Variants in OVGP1 observed in about 807,000 individuals in gnomAD.
OVGP1 encodes the protein oviductal glycoprotein 1, also known as oviduct-specific glycoprotein.
OVGP1 carries 26 observed loss-of-function variants against 48.2 expected under a neutral mutation model. That is an observed-to-expected ratio of 0.54 (90% CI 0.40 to 0.75). The LOEUF (loss-of-function observed/expected upper bound fraction) is 0.75, where lower values mean the gene tolerates loss of function less well. OVGP1 is among the 30% of genes least tolerant of loss of function. The pLI is 0.00. For synonymous variants in OVGP1, 294 were observed against 305.7 expected, an observed-to-expected ratio of 0.96 and a Z score of 0.40; for missense variants, 791 against 820.6, an observed-to-expected ratio of 0.96 and a Z score of 0.44.
In OVGP1 at chr1:111,421,702, AG is replaced by A. The variant is rs567600986; in HGVS notation, c.609-30del. ...TAAGGGGCAGGAGGAAGAGATATAAAGACTGGGCTAGCCAGATTTTCAAGTC... is the reference window on the plus strand; with the variant it reads ...TAAGGGGCAGGAGGAAGAGATATAAAACTGGGCTAGCCAGATTTTCAAGTC... On this transcript the variant is annotated intron_variant, in intron 6 of 10. Transcript: ENST00000369732. The A allele has an allele frequency of 7.4e-6, 10 of 1,349,264 alleles. No homozygotes were observed. In the East Asian group the frequency reaches 2.1e-4, roughly 28 times the overall value. 83.6% of individuals were successfully genotyped at this position (1,349,264 alleles called of 1,614,324 possible).
intron 9 of OVGP1, among the ~76,000 whole-genome samples, chr1:111,418,171 C>A (rs1652179628): frequency 6.6e-6 from 1 of 152,180 alleles, no homozygotes; most frequent in Non-Finnish European, 1.5e-5. Flanking sequence ...CCATCCCCAA[C>A]CTGGCTTCAT....
intron 9 of OVGP1, among the ~76,000 whole-genome samples, chr1:111,418,828 C>T (rs184176017): frequency 4.7e-4 from 72 of 152,244 alleles, no homozygotes; most frequent in Non-Finnish European, 7.6e-4. Context: ...AGGAGTGGAA[C>T]CATGATTTCT....
At chr1:111,426,954 CCT>C (rs1652415456) in intron 2 of OVGP1, 106 bp downstream of exon 2, 1 of 1,591,324 alleles carries the variant, frequency 6.3e-7, no homozygotes, top group Non-Finnish European at 8.6e-7. Flanking sequence ...ATCAATAATC[CCT>C]GTCAGAGAAG....
chr1:111,427,669 T>G, intron 1 of OVGP1, 28 bp downstream of exon 1: 1 of 1,612,036 alleles, frequency 6.2e-7, no homozygotes, highest in Non-Finnish European at 8.5e-7. Context: ...CTGGACTGAG[T>G]GACACTGCTG....
chr1:111,424,894 T>C (rs973792283), intron 4 of OVGP1, among the ~76,000 whole-genome samples: 1 of 152,244 alleles, frequency 6.6e-6, no homozygotes, highest in African/African-American at 2.4e-5. Flanking sequence ...TCATGGAGAT[T>C]GAAGTGCTAA....
intron 6 of OVGP1, 151 bp downstream of exon 6, chr1:111,422,776 C>T (rs1652301641): frequency 1.2e-6 from 1 of 814,272 alleles, no homozygotes; most frequent in Non-Finnish European, 2.0e-6. Context: ...TTCTCCCCAC[C>T]CATGCTCCTC....
At chr1:111,426,792 G>A (rs965378490) in intron 2 of OVGP1, 151 bp from the exon 3 acceptor site, 2 of 1,547,614 alleles carry the variant, frequency 1.3e-6, no homozygotes, top group African/African-American at 1.4e-5. Context: ...GAACTACACT[G>A]AGGTTCTATT....
At chr1:111,425,271 A>G (rs1307427461) in intron 4 of OVGP1, 112 bp downstream of exon 4, 1 of 1,215,658 alleles carries the variant, frequency 8.2e-7, no homozygotes, top group Non-Finnish European at 1.2e-6. Flanking sequence ...TTGGGGAAGT[A>G]TTTGCGCTAG....
At chr1:111,419,875 C>G (rs1237540993) in intron 8 of OVGP1, 149 bp from the exon 9 acceptor site, 6 of 620,636 alleles carry the variant, frequency 9.7e-6, no homozygotes, top group Non-Finnish European at 5.7e-6. Flanking sequence ...GGAGAGGCCA[C>G]TCACAAATGA....
chr1:111,425,552 A>G, intron 3 of OVGP1, 113 bp from the exon 4 acceptor site: 1 of 1,542,126 alleles, frequency 6.5e-7, no homozygotes. Context: ...GAGAGATGGG[A>G]GGTAAGGAAA....
In OVGP1 at chr1:111,415,111, T is replaced by G. The variant is rs1211244669; in HGVS notation, c.1390A>C (p.Thr464Pro). The change falls in exon 11 of 11, where the codon ACT (threonine) becomes CCT (proline). Residue 464 changes from threonine (T) to proline (P), a missense_variant. Coordinates refer to ENST00000369732, the MANE Select transcript of OVGP1 (RefSeq NM_002557.4). Reference sequence around the variant, plus strand: ...TCAGTCTTCTCTCCTAGAGCTACAGTGTGCTTTCCAAGGGATACAGTTTCC... The same window carrying G: ...TCAGTCTTCTCTCCTAGAGCTACAGGGTGCTTTCCAAGGGATACAGTTTCC... ...TKETVSLGKH[T>P]VALGEKTEIT... 6.2e-7 allele frequency: 1 copy of G among 1,614,048 alleles called. No homozygotes were observed. The highest frequency in any genetic ancestry group is 8.5e-7 in the Non-Finnish European group (1 of 1,180,014).
chr1:111,427,562 T>C lies in OVGP1; in HGVS notation c.25+135A>G, dbSNP rs897227339. 15 of 1,153,878 alleles carry C rather than the reference T, an allele frequency of 1.3e-5. No individual in the cohort carries two copies. In the Admixed American group the frequency reaches 2.4e-4, roughly 19 times the overall value. The allele number at this position is 1,153,878 out of a possible 1,614,324, so 71.5% of individuals were successfully genotyped here. A position where few individuals can be genotyped will look rare whatever the true frequency, so the allele number is the denominator to read the frequency against. ...CCCTCTGACCTCTGACCATTAACTA[T>C]GGCCCATCCCATCTCTACCTAATCT... On this transcript the variant is annotated intron_variant, in intron 1 of 10. Coordinates refer to ENST00000369732, the MANE Select transcript of OVGP1 (RefSeq NM_002557.4).
In OVGP1 at chr1:111,415,067, G is replaced by C. The variant is rs148179585; in HGVS notation, c.1434C>G (p.Thr478=). The change falls in exon 11 of 11, where the codon ACC becomes ACG. Residue 478 remains threonine (T), a synonymous_variant. Coordinates refer to ENST00000369732, the MANE Select transcript of OVGP1 (RefSeq NM_002557.4). Reference sequence around the variant, plus strand: ...TGGACTGATGACCCACAGAAGTCATGGTCATTGCCCCAGTGATCTCAGTCT... The same window carrying C: ...TGGACTGATGACCCACAGAAGTCATCGTCATTGCCCCAGTGATCTCAGTCT... ...GEKTEITGAM[T]MTSVGHQSMT... 4 of 1,614,024 alleles carry C rather than the reference G, an allele frequency of 2.5e-6. No individual in the cohort carries two copies. In the African/African-American group the frequency reaches 4.0e-5, roughly 16 times the overall value.
chr1:111,414,426 A>G lies in OVGP1; in HGVS notation c.*38T>C. 1 of 1,551,538 alleles carries G rather than the reference A, an allele frequency of 6.4e-7. No individual in the cohort carries two copies. Among genetic ancestry groups the G allele is most frequent in the Non-Finnish European group, 8.7e-7 (1 of 1,148,190 alleles). On this transcript the variant is annotated 3_prime_UTR_variant, in exon 11 of 11. Coordinates refer to ENST00000369732, the MANE Select transcript of OVGP1 (RefSeq NM_002557.4). ...CTTCCAACATGTCACTTAGAAGAAA[A>G]GACAAGGGTTTTCCCTGGTTTCTGA...
In OVGP1 at chr1:111,416,473, G is replaced by T. The variant is rs771063403; in HGVS notation, c.1021-15C>A. On this transcript the variant is annotated splice_polypyrimidine_tract_variant and intron_variant, in intron 9 of 10. Transcript: ENST00000369732. The stretch of plus-strand genomic sequence containing the variant: ...ATAAACCATGCCTGTAAAAGTAACA[G>T]TCAGTCAACCTGCTGTACTTGTCAG... The T allele has an allele frequency of 6.3e-7, 1 of 1,597,504 alleles. No homozygotes were observed. Among genetic ancestry groups the T allele is most frequent in the South Asian group, 1.1e-5 (1 of 87,074 alleles).
In OVGP1 at chr1:111,422,942, A is replaced by C. The variant is rs1652306132; in HGVS notation, c.593T>G (p.Val198Gly). Residue 198 changes from valine to glycine, a missense_variant, in exon 6 of 11, where the codon GTG (valine) becomes GGG (glycine). By Grantham distance (109) the Val-to-Gly change is moderately radical (BLOSUM62 -3). Transcript: ENST00000369732. ...VPHIVQTSYD[V>G]RFLGRLLDFI... The stretch of plus-strand genomic sequence containing the variant: ...ATCCACTCACCTTCCTAGAAAGCGC[A>C]CATCATAGGATGTTTGGACGATGTG... The C allele has an allele frequency of 6.2e-7, 1 of 1,614,032 alleles. No individual in the cohort carries two copies. Among genetic ancestry groups the C allele is most frequent in the Non-Finnish European group, 8.5e-7 (1 of 1,180,022 alleles).
chr1:111,417,435 C>T (rs1652162269), intron 9 of OVGP1, among the ~76,000 whole-genome samples: 1 of 152,226 alleles, frequency 6.6e-6, no homozygotes, highest in Non-Finnish European at 1.5e-5. Context: ...ATGGAAAAGA[C>T]AGAATCTATC....
Position 111,423,542 on chromosome 1 carries a change from C to T in OVGP1, c.483+1G>A, listed in dbSNP as rs761585006. Reference sequence around the variant, plus strand: ...TTCTGGCGCTTCTAGACCAGACTTACTTCAATTAAGAAGAGAAAAGTCCAC... The same window carrying T: ...TTCTGGCGCTTCTAGACCAGACTTATTTCAATTAAGAAGAGAAAAGTCCAC... On this transcript the variant is annotated splice_donor_variant, in intron 5 of 10. Transcript: ENST00000369732. LOFTEE classifies it high-confidence loss of function. 1.2e-6 allele frequency: 2 copies of T among 1,613,618 alleles called. No homozygotes were observed. The highest frequency in any genetic ancestry group is 1.1e-5 in the South Asian group (1 of 91,058).
intron 6 of OVGP1, among the ~76,000 whole-genome samples, chr1:111,422,108 T>TA (rs1182547321): frequency 6.6e-6 from 1 of 152,242 alleles, no homozygotes. Context: ...TCTAATTTAA[T>TA]TTTAATCTGG....
Sources: gnomAD v4.1 joint callset for allele counts (sites outside exome capture counted in the v4.1 genomes callset) on GRCh38, gnomAD v4.1.1 for gene constraint, MANE v1.5 for transcripts, NCBI Gene and HGNC (gene_info 2026-07-23, HGNC 2026-07-21) for gene names.